The following DISC1 variants were observed in gnomAD, a reference collection of about 807,000 sequenced individuals.
The protein encoded by DISC1 is DISC1 scaffold protein, also known as disrupted in schizophrenia 1 protein.
In DISC1, 57 loss-of-function variants were observed where a neutral mutation model predicts 84.5. The ratio of observed to expected loss-of-function variants is 0.67; its 90% confidence interval spans 0.55 to 0.84. The LOEUF is 0.84. DISC1 is among the 40% of genes least tolerant of loss of function. The pLI is 0.00. For synonymous variants in DISC1, 411 were observed against 415.2 expected, an observed-to-expected ratio of 0.99 and a Z score of 0.12; for missense variants, 1,000 against 1,057.8, an observed-to-expected ratio of 0.95 and a Z score of 0.76.
intron 6 of DISC1, among the ~76,000 whole-genome samples, chr1:231,782,229 C>T (rs945731002): frequency 2.0e-5 from 3 of 152,202 alleles, no homozygotes; most frequent in African/African-American, 7.2e-5. Flanking sequence ...TATGCAATTT[C>T]TCCTTTAGTC....
chr1:231,867,282 C>G (rs566941605), intron 9 of DISC1, among the ~76,000 whole-genome samples: 1 of 152,210 alleles, frequency 6.6e-6, no homozygotes, highest in African/African-American at 2.4e-5. Context: ...TCCATGTGAT[C>G]GGAAATGAGA....
intron 6 of DISC1, among the ~76,000 whole-genome samples, chr1:231,781,008 T>G (rs201569090): frequency 1.3e-5 from 1 of 79,624 alleles, no homozygotes; most frequent in Non-Finnish European, 2.2e-5. Context: ...TGGGGACTGT[T>G]GTGGGGTGGG....
At chr1:231,736,399 A>G (rs976643006) in intron 3 of DISC1, among the ~76,000 whole-genome samples, 2 of 152,230 alleles carry the variant, frequency 1.3e-5, no homozygotes, top group Non-Finnish European at 2.9e-5. Context: ...TCTTGCTGTG[A>G]GGCCTTGGGT....
intron 3 of DISC1, among the ~76,000 whole-genome samples, chr1:231,706,458 C>T (rs547019050): frequency 1.3e-5 from 2 of 152,228 alleles, no homozygotes; most frequent in South Asian, 4.1e-4. Context: ...CCCCTGGCTG[C>T]TCGTGTCCCA....
chr1:231,938,172 T>C (rs1190586737), intron 9 of DISC1, among the ~76,000 whole-genome samples: 2 of 152,078 alleles, frequency 1.3e-5, no homozygotes, highest in Admixed American at 1.3e-4. Flanking sequence ...CCGGTGAAGA[T>C]GGATGTTACA....
At position 231,715,372 on chromosome 1, in the gene DISC1, C is replaced by T. The variant is rs536802660; in HGVS notation, c.1117+13348C>T. 3.3e-5 allele frequency among the ~76,000 whole-genome samples: 5 copies of T among 152,318 alleles called. No individual in the cohort carries two copies. In the East Asian group the frequency reaches 9.6e-4, roughly 29 times the overall value. ...TAAAGAAGATTAAAATGAAAACACT[C>T]CTTACAGAGTTCATTCATTTGGTCA... On this transcript the variant is annotated intron_variant, in intron 3 of 12. Coordinates refer to ENST00000439617, the MANE Select transcript of DISC1 (RefSeq NM_018662.3).
intron 9 of DISC1, among the ~76,000 whole-genome samples, chr1:231,929,200 T>A (rs2090512376): frequency 6.6e-6 from 1 of 152,160 alleles, no homozygotes. Context: ...CTAAGTCTCT[T>A]TGTAGGTCTC....
intron 9 of DISC1, among the ~76,000 whole-genome samples, chr1:231,845,608 G>C (rs201593348): frequency 7.9e-5 from 12 of 152,170 alleles, no homozygotes; most frequent in Middle Eastern, 3.2e-3. Context: ...TGGCAACAGC[G>C]AGCACGCCAG....
chr1:231,758,932 C>T (rs547429642), intron 4 of DISC1, among the ~76,000 whole-genome samples: 82 of 152,238 alleles, frequency 5.4e-4, no homozygotes, highest in Admixed American at 1.7e-3. Context: ...TGTATGCATG[C>T]GCACACAAAA....
At position 231,947,935 on chromosome 1, in the gene DISC1, G is replaced by A. The variant is rs561460517; in HGVS notation, c.1982-10893G>A. On this transcript the variant is annotated intron_variant, in intron 9 of 12. Coordinates refer to ENST00000439617, the MANE Select transcript of DISC1 (RefSeq NM_018662.3). ...ACCATCTCATGCCAGTTAGAATTGC[G>A]ATCATTAAAAAGTCAGGAAACAACA... is the stretch of plus-strand genomic sequence containing the variant. Among the ~76,000 whole-genome samples the A allele has an allele frequency of 6.0e-4, 91 of 152,144 alleles. 1 individual carries two copies. Among genetic ancestry groups the A allele is most frequent in the Admixed American group, 1.8e-3 (28 of 15,270 alleles).
rs1670623053 is a variant in DISC1, at chr1:232,037,934, TCAGTAA to T, written c.*1108_*1113del. The T allele has an allele frequency of 1.3e-5, 2 of 150,868 alleles. No homozygotes were observed. Among genetic ancestry groups the T allele is most frequent in the African/African-American group, 4.9e-5 (2 of 40,874 alleles). 9.3% of individuals were successfully genotyped at this position (150,868 alleles called of 1,614,324 possible). ...GGTACTCAGTAACACAGTGCAGTACTCAGTAACAGTGCAGTACTCAGTAACAGTGCA... is the reference window on the plus strand; with the variant it reads ...GGTACTCAGTAACACAGTGCAGTACTCAGTGCAGTACTCAGTAACAGTGCA... On this transcript the variant is annotated 3_prime_UTR_variant, in exon 13 of 13. Coordinates refer to ENST00000439617, the MANE Select transcript of DISC1 (RefSeq NM_018662.3).
At chr1:231,993,102 A>C (rs547734105) in intron 10 of DISC1, among the ~76,000 whole-genome samples, 1 of 152,252 alleles carries the variant, frequency 6.6e-6, no homozygotes, top group East Asian at 1.9e-4. Flanking sequence ...TTAAAGTGAC[A>C]TGAGCCTTGA....
chr1:231,653,075 G>A (rs750335247), intron 1 of DISC1, among the ~76,000 whole-genome samples: 7 of 152,134 alleles, frequency 4.6e-5, no homozygotes, highest in Admixed American at 2.6e-4. Context: ...CACTGTGCCC[G>A]GCCTAATGGT....
chr1:231,652,882 C>T (rs566178552), intron 1 of DISC1, among the ~76,000 whole-genome samples: 5 of 152,294 alleles, frequency 3.3e-5, no homozygotes, highest in African/African-American at 7.2e-5. Context: ...CTGGTTCAAG[C>T]GATTGTTCTG....
At position 231,958,820 on chromosome 1, in the gene DISC1, T is replaced by C. The variant is rs1380688219; in HGVS notation, c.1982-8T>C. On this transcript the variant is annotated splice_polypyrimidine_tract_variant and splice_region_variant and intron_variant, in intron 9 of 12. Coordinates refer to ENST00000439617, the MANE Select transcript of DISC1 (RefSeq NM_018662.3). The stretch of plus-strand genomic sequence containing the variant: ...GCATTAACTTTGGATTTCCTTTTTT[T>C]CCCCCAGAAACAAGTGTGAAGGAAA... 15 of 1,613,106 alleles carry C rather than the reference T, an allele frequency of 9.3e-6. No individual in the cohort carries two copies. Among genetic ancestry groups the C allele is most frequent in the Non-Finnish European group, 1.0e-5 (12 of 1,179,642 alleles).
chr1:232,002,804 A>C (rs1284504452), intron 10 of DISC1, among the ~76,000 whole-genome samples: 1 of 152,188 alleles, frequency 6.6e-6, no homozygotes, highest in African/African-American at 2.4e-5. Flanking sequence ...ATGGAGATTC[A>C]TGTGATAATT....
chr1:231,973,930 A>G (rs2102835300), intron 10 of DISC1, among the ~76,000 whole-genome samples: 1 of 152,324 alleles, frequency 6.6e-6, no homozygotes, highest in South Asian at 2.1e-4. Context: ...TACCCTCCTC[A>G]CACCCACTCC....
At chr1:231,867,296 A>G (rs2085128893) in intron 9 of DISC1, among the ~76,000 whole-genome samples, 1 of 152,206 alleles carries the variant, frequency 6.6e-6, no homozygotes, top group Non-Finnish European at 1.5e-5. Flanking sequence ...AATGAGAAAG[A>G]TTTAAAGAAA....
At chr1:232,035,189 C>T (rs1670401970) in intron 12 of DISC1, among the ~76,000 whole-genome samples, 1 of 152,188 alleles carries the variant, frequency 6.6e-6, no homozygotes, top group Non-Finnish European at 1.5e-5. Flanking sequence ...GTGGCTCATG[C>T]CTGTAATCCC....
Sources: allele counts gnomAD v4.1 joint callset (sites outside exome capture counted in the v4.1 genomes callset), GRCh38; gene constraint gnomAD v4.1.1; transcripts MANE v1.5; gene names NCBI Gene and HGNC (gene_info 2026-07-23, HGNC 2026-07-21).